The following FMN2 variants were observed in gnomAD, a reference collection of about 807,000 sequenced individuals.
FMN2 encodes formin-2.
FMN2 carries 51 observed loss-of-function variants against 142.3 expected under a neutral mutation model. That is an observed-to-expected ratio of 0.36 (90% CI 0.29 to 0.45). The LOEUF (loss-of-function observed/expected upper bound fraction) is 0.45, where lower values mean the gene tolerates loss of function less well. Among genes scored for constraint, FMN2 ranks in the 20% least tolerant of loss-of-function variants. The probability of loss-of-function intolerance (pLI) is 1.00; values close to 1 mark genes in which losing one functional copy is unlikely to be tolerated. For missense variants in FMN2, 1,936 were observed against 2,122.8 expected (o/e 0.91, Z 1.73); for synonymous variants, 882 against 869.8 (o/e 1.01, Z -0.25).
chr1:240,142,497 A>ATTTATT (rs879623308), intron 2 of FMN2, among the ~76,000 whole-genome samples: 1 of 149,910 alleles, frequency 6.7e-6, no homozygotes. Context: ...TTATTTATTT[A>ATTTATT]TATTTTTTGG....
intron 6 of FMN2, among the ~76,000 whole-genome samples, chr1:240,238,844 T>C (rs757489142): frequency 1.3e-5 from 2 of 152,204 alleles, no homozygotes; most frequent in Non-Finnish European, 2.9e-5. Context: ...CAATCTGTTA[T>C]ACTCAACAAC....
intron 16 of FMN2, among the ~76,000 whole-genome samples, chr1:240,444,496 G>A (rs896983917): frequency 6.6e-5 from 10 of 152,142 alleles, no homozygotes; most frequent in East Asian, 1.9e-4. Context: ...AATAAATCAT[G>A]ACATTAGTAA....
In FMN2 at chr1:240,107,621, A is replaced by G. The variant is rs184568219; in HGVS notation, c.1615+13897A>G. Among the ~76,000 whole-genome samples, 358 of 152,352 alleles carry G rather than the reference A, an allele frequency of 2.3e-3. 1 individual carries two copies. The highest frequency in any genetic ancestry group is 8.5e-3 in the African/African-American group (353 of 41,588). On this transcript the variant is annotated intron_variant, in intron 1 of 17. Coordinates refer to ENST00000319653, the MANE Select transcript of FMN2 (RefSeq NM_020066.5). The stretch of plus-strand genomic sequence containing the variant: ...AGGTCCTGAAAAGTGGTTGGTAGTT[A>G]TCATCATATGTGTTCTATGATATTC...
chr1:240,309,072 C>T (rs188962841), intron 8 of FMN2, among the ~76,000 whole-genome samples: 1 of 152,196 alleles, frequency 6.6e-6, no homozygotes, highest in East Asian at 1.9e-4. Context: ...TCAATTGGGA[C>T]ATAAACCACA....
intron 15 of FMN2, among the ~76,000 whole-genome samples, chr1:240,412,384 T>C (rs1460626799): frequency 6.6e-6 from 1 of 152,162 alleles, no homozygotes; most frequent in African/African-American, 2.4e-5. Flanking sequence ...AAGCTACTTT[T>C]ATTAGATATT....
At chr1:240,437,846 T>C (rs779004628) in intron 15 of FMN2, among the ~76,000 whole-genome samples, 2 of 152,142 alleles carry the variant, frequency 1.3e-5, no homozygotes, top group Non-Finnish European at 2.9e-5. Flanking sequence ...GGGGTAGTTA[T>C]TAGTATGTGG....
intron 6 of FMN2, 85 bp downstream of exon 6, chr1:240,211,320 T>G: frequency 1.4e-6 from 2 of 1,388,722 alleles, no homozygotes; most frequent in South Asian, 2.5e-5. Flanking sequence ...GAAATAGTTT[T>G]TGGGCTGTGT....
At chr1:240,470,214 A>AAAAC (rs1676762643) in intron 16 of FMN2, among the ~76,000 whole-genome samples, 1 of 144,624 alleles carries the variant, frequency 6.9e-6, no homozygotes, top group African/African-American at 2.5e-5. Flanking sequence ...GCTGAAAAAA[A>AAAAC]AAAAAAAAAC....
intron 4 of FMN2, among the ~76,000 whole-genome samples, chr1:240,193,647 G>GA (rs1665801176): frequency 6.6e-6 from 1 of 152,234 alleles, no homozygotes; most frequent in Non-Finnish European, 1.5e-5. Flanking sequence ...AGCTCAGCTG[G>GA]CAGCTGCCCT....
chr1:240,445,548 C>T (rs541072992), intron 16 of FMN2, among the ~76,000 whole-genome samples: 9 of 152,040 alleles, frequency 5.9e-5, no homozygotes, highest in African/African-American at 1.2e-4. Context: ...AGGATGTTCA[C>T]GGCAATGTGG....
chr1:240,375,645 C>A (rs1383291560), intron 14 of FMN2, among the ~76,000 whole-genome samples: 2 of 152,162 alleles, frequency 1.3e-5, no homozygotes, highest in Non-Finnish European at 2.9e-5. Flanking sequence ...ATTCTTAACT[C>A]TAGATTGTCT....
chr1:240,462,877 A>G (rs1676491632), intron 16 of FMN2, among the ~76,000 whole-genome samples: 3 of 152,172 alleles, frequency 2.0e-5, no homozygotes, highest in Admixed American at 6.5e-5. Context: ...TATGTTTCCT[A>G]TAGGAGGCTA....
chr1:240,351,874 G>GTGTGTATGATGTCATGGA (rs1350491412), intron 13 of FMN2, among the ~76,000 whole-genome samples: 3 of 151,992 alleles, frequency 2.0e-5, no homozygotes, highest in Non-Finnish European at 4.4e-5. Context: ...GATGTCATGG[G>GTGTGTATGATGTCATGGA]TGTGTATGAT....
chr1:240,229,865 C>T (rs1667480814), intron 6 of FMN2, among the ~76,000 whole-genome samples: 1 of 130,352 alleles, frequency 7.7e-6, no homozygotes, highest in South Asian at 2.4e-4. Flanking sequence ...AGGCTGGTCT[C>T]GAACTGCTGA....
intron 16 of FMN2, among the ~76,000 whole-genome samples, chr1:240,444,974 TA>T (rs1158697902): frequency 6.6e-6 from 1 of 152,220 alleles, no homozygotes; most frequent in Non-Finnish European, 1.5e-5. Context: ...CATTGCATGA[TA>T]AATGAATTTG....
intron 6 of FMN2, among the ~76,000 whole-genome samples, chr1:240,211,861 T>C (rs191199201): frequency 6.6e-6 from 1 of 152,324 alleles, no homozygotes. Context: ...GATATATCCA[T>C]TGGACTTGTC....
chr1:240,474,409 C>G lies in FMN2; in HGVS notation c.*255C>G, dbSNP rs1676909171. The G allele has an allele frequency of 7.9e-6, 3 of 380,320 alleles. No individual in the cohort carries two copies. The highest frequency in any genetic ancestry group is 4.7e-5 in the Admixed American group (1 of 21,104). 23.6% of individuals were successfully genotyped at this position (380,320 alleles called of 1,614,324 possible). On this transcript the variant is annotated 3_prime_UTR_variant, in exon 18 of 18. Coordinates refer to ENST00000319653, the MANE Select transcript of FMN2 (RefSeq NM_020066.5). ...AAGTTTATGGTATTATACCGATAGACCAAAACAGCATGTGTAAGAGGCAGT... is the reference window on the plus strand; with the variant it reads ...AAGTTTATGGTATTATACCGATAGAGCAAAACAGCATGTGTAAGAGGCAGT...
At chr1:240,201,875 G>A (rs1666138305) in intron 4 of FMN2, among the ~76,000 whole-genome samples, 1 of 152,164 alleles carries the variant, frequency 6.6e-6, no homozygotes, top group African/African-American at 2.4e-5. Flanking sequence ...GGGAAGTTTG[G>A]AAGGTTTGAA....
At chr1:240,223,123 G>C (rs1322076097) in intron 6 of FMN2, among the ~76,000 whole-genome samples, 1 of 152,156 alleles carries the variant, frequency 6.6e-6, no homozygotes, top group African/African-American at 2.4e-5. Context: ...CTGTGGGTTT[G>C]TCATAAATAG....
Sources: allele counts gnomAD v4.1 joint callset (sites outside exome capture counted in the v4.1 genomes callset), GRCh38; gene constraint gnomAD v4.1.1; transcripts MANE v1.5; gene names NCBI Gene and HGNC (gene_info 2026-07-23, HGNC 2026-07-21).